The following CENPE variants were observed in gnomAD, a reference collection of about 807,000 sequenced individuals.
CENPE encodes the protein centromere-associated protein E.
A neutral mutation model predicts 336.1 loss-of-function variants in CENPE; 145 were observed. The ratio of observed to expected loss-of-function variants is 0.43; its 90% CI spans 0.38 to 0.50. The LOEUF (loss-of-function observed/expected upper bound fraction) is 0.50. Ranked by LOEUF, CENPE falls within the 20% of genes least tolerant of loss-of-function variation. The probability of loss-of-function intolerance (pLI) is 0.00; values close to 1 mark genes in which losing one functional copy is unlikely to be tolerated. For synonymous variants in CENPE, 1,013 were observed against 984.8 expected (o/e 1.03, Z -0.54); for missense variants, 2,719 against 3,023.3 (o/e 0.90, Z 2.36).
At position 103,139,854 on chromosome 4, in the gene CENPE, T is replaced by C; in HGVS notation, c.6139A>G (p.Ile2047Val). ...CTTTCCATTTTGAGAGATTCTTTTA[T>C]CCTCCTTAGCTCATCTCTTTCTTTA... The part of the protein sequence containing the change: ...VAKERDELRR[I>V]KESLKMERDQ... The change falls in exon 38 of 49, where the codon ATA (isoleucine) becomes GTA (valine). Residue 2047 changes from isoleucine (I) to valine (V), a missense_variant. This residue lies in a region of CENPE where 2,437 missense variants were observed against 2,513.3 expected (regional missense o/e 0.97). Coordinates refer to ENST00000265148, the MANE Select transcript of CENPE (RefSeq NM_001813.3). The C allele has an allele frequency of 6.2e-7, 1 of 1,612,958 alleles. No individual in the cohort carries two copies. Among genetic ancestry groups the C allele is most frequent in the Non-Finnish European group, 8.5e-7 (1 of 1,179,490 alleles).
rs3217729 is a variant in CENPE at position 103,196,255 on chromosome 4, A to AAAC, written c.149-6_149-4dup. 0.013 allele frequency: 20,900 copies of AAAC among 1,578,554 alleles called. 1,744 individuals carry two copies. In the African/African-American group the frequency reaches 0.22, roughly 16 times the overall value. Reference sequence around the variant, plus strand: ...TTCATTACCATGAAAGACACGATCTAAACAACAACAACAACAACAACAACA... The same window carrying AAAC: ...TTCATTACCATGAAAGACACGATCTAAACAACAACAACAACAACAACAACAACA... On this transcript the variant is annotated splice_region_variant and splice_polypyrimidine_tract_variant and intron_variant, in intron 2 of 48. Transcript: ENST00000265148.
intron 21 of CENPE, among the ~76,000 whole-genome samples, chr4:103,160,003 C>T (rs567257984): frequency 1.3e-4 from 20 of 151,766 alleles, no homozygotes; most frequent in Non-Finnish European, 3.0e-4. Context: ...ATTTATGTGG[C>T]TCAATTATGA....
At position 103,158,341 on chromosome 4, in the gene CENPE, C is replaced by T. The variant is rs2125966417; in HGVS notation, c.2992G>A (p.Glu998Lys). ...SEEVSRNLHM[E>K]ENTGETKDEF... ...TCTTTAGTTTCTCCTGTATTTTCCT[C>T]CATATGCAAATTCCTGGAAACTTCC... Residue 998 changes from glutamate (E) to lysine (K), a missense_variant, in exon 24 of 49, where the codon GAG becomes AAG. This residue lies in a region of CENPE where 2,437 missense variants were observed against 2,513.3 expected (regional missense o/e 0.97). Transcript: ENST00000265148. The T allele has an allele frequency of 1.2e-6, 2 of 1,609,138 alleles. No homozygotes were observed. Among genetic ancestry groups the T allele is most frequent in the African/African-American group, 2.7e-5 (2 of 74,834 alleles).
At chr4:103,168,782 G>A (rs988601852) in intron 16 of CENPE, among the ~76,000 whole-genome samples, 5 of 152,148 alleles carry the variant, frequency 3.3e-5, no homozygotes, top group African/African-American at 1.2e-4. Flanking sequence ...AAAGAGAAAG[G>A]TGTCCAGTAG....
At chr4:103,127,603 G>T (rs1453386371) in intron 42 of CENPE, among the ~76,000 whole-genome samples, 1 of 152,118 alleles carries the variant, frequency 6.6e-6, no homozygotes, top group East Asian at 1.9e-4. Context: ...ATGAATAAGT[G>T]AAATGAATAA....
At chr4:103,191,302 T>C (rs1757303289) in intron 8 of CENPE, among the ~76,000 whole-genome samples, 1 of 152,214 alleles carries the variant, frequency 6.6e-6, no homozygotes, top group Non-Finnish European at 1.5e-5. Flanking sequence ...ACTGGGTATA[T>C]ACCCAAAGGA....
At chr4:103,150,951 A>G (rs1753492620) in intron 26 of CENPE, among the ~76,000 whole-genome samples, 1 of 152,254 alleles carries the variant, frequency 6.6e-6, no homozygotes, top group East Asian at 1.9e-4. Context: ...ACAGTGCTCA[A>G]TAAATATTTG....
At chr4:103,131,183 C>T (rs1162845762) in intron 42 of CENPE, among the ~76,000 whole-genome samples, 3 of 151,966 alleles carry the variant, frequency 2.0e-5, no homozygotes, top group Admixed American at 6.6e-5. Flanking sequence ...AATATATTTC[C>T]AAGACACATC....
chr4:103,153,070 C>T lies in CENPE; in HGVS notation c.3214G>A (p.Asp1072Asn). 6.2e-7 allele frequency: 1 copy of T among 1,611,820 alleles called. No homozygotes were observed. Among genetic ancestry groups the T allele is most frequent in the South Asian group, 1.1e-5 (1 of 90,656 alleles). Residue 1072 changes from aspartate (D) to asparagine (N), a missense_variant, in exon 25 of 49, where the codon GAC becomes AAC. Physicochemically the swap from Asp to Asn is conservative, Grantham distance 23. Coordinates refer to ENST00000265148, the MANE Select transcript of CENPE (RefSeq NM_001813.3). ...VIAEKEQLKT[D>N]LKENIEMTIE... The stretch of plus-strand genomic sequence containing the variant: ...ACCATTTCAATATTTTCCTTTAGGT[C>T]AGTCTTCAATTGTTCCTTTTCTGCT...
intron 43 of CENPE, among the ~76,000 whole-genome samples, chr4:103,121,573 G>T (rs1750624157): frequency 7.0e-6 from 1 of 142,168 alleles, no homozygotes. Context: ...TTTTGAGGCA[G>T]TGCCTCACTC....
chr4:103,157,768 A>G (rs529323759), intron 24 of CENPE, among the ~76,000 whole-genome samples: 2 of 152,100 alleles, frequency 1.3e-5, no homozygotes, highest in South Asian at 4.1e-4. Context: ...ATATACTACT[A>G]TATACTATTC....
intron 42 of CENPE, among the ~76,000 whole-genome samples, chr4:103,125,648 A>G (rs1250378022): frequency 6.6e-6 from 1 of 152,086 alleles, no homozygotes; most frequent in African/African-American, 2.4e-5. Context: ...GCAGATCATG[A>G]GGTCAAGAGA....
At chr4:103,145,717 A>G (rs1438748689) in intron 30 of CENPE, 36 bp from the exon 31 acceptor site, 1 of 1,529,220 alleles carries the variant, frequency 6.5e-7, no homozygotes, top group Non-Finnish European at 8.8e-7. Flanking sequence ...AAATTTATAG[A>G]AACATTATAA....
At chr4:103,192,804 T>A (rs1184933477) in intron 8 of CENPE, among the ~76,000 whole-genome samples, 1 of 151,482 alleles carries the variant, frequency 6.6e-6, no homozygotes, top group East Asian at 1.9e-4. Flanking sequence ...AGACATGAAT[T>A]AGAATTCAGA....
intron 44 of CENPE, among the ~76,000 whole-genome samples, chr4:103,118,937 T>G (rs1750373316): frequency 6.6e-6 from 1 of 152,176 alleles, no homozygotes; most frequent in Admixed American, 6.5e-5. Flanking sequence ...TGCACAAACT[T>G]TCTTGTTGTT....
chr4:103,192,372 C>G (rs1757431260), intron 8 of CENPE, among the ~76,000 whole-genome samples: 1 of 152,074 alleles, frequency 6.6e-6, no homozygotes, highest in Non-Finnish European at 1.5e-5. Flanking sequence ...TCATGTAGAG[C>G]AGAAGGAAAT....
rs530308226 is a variant in CENPE, at chr4:103,125,142, T to G, written c.6925-2053A>C. On this transcript the variant is annotated intron_variant, in intron 42 of 48. Coordinates refer to ENST00000265148, the MANE Select transcript of CENPE (RefSeq NM_001813.3). The stretch of plus-strand genomic sequence containing the variant: ...ACTAATCAATAAACAGGATGAACTT[T>G]CCAAGCGAAAACTTTTTAAAAAAGG... 5.6e-4 allele frequency among the ~76,000 whole-genome samples: 86 copies of G among 152,342 alleles called. 2 individuals are homozygous for G. The highest frequency in any genetic ancestry group is 9.1e-4 in the Admixed American group (14 of 15,312).
At chr4:103,176,083 C>T in intron 14 of CENPE, 35 bp from the exon 15 acceptor site, 3 of 1,283,616 alleles carry the variant, frequency 2.3e-6, no homozygotes, top group South Asian at 2.8e-5. Context: ...TGTCCATGAA[C>T]ATGTTTACCA....
At chr4:103,175,080 A>C (rs1319648748) in intron 15 of CENPE, among the ~76,000 whole-genome samples, 177 bp from the exon 16 acceptor site, 1 of 152,036 alleles carries the variant, frequency 6.6e-6, no homozygotes, top group Non-Finnish European at 1.5e-5. Flanking sequence ...GGAGAATTTT[A>C]AAAATATATC....
Sources: allele counts gnomAD v4.1 joint callset (sites outside exome capture counted in the v4.1 genomes callset), GRCh38; gene constraint gnomAD v4.1.1; regional missense constraint gnomAD v4.1.1; transcripts MANE v1.5; gene names NCBI Gene and HGNC (gene_info 2026-07-23, HGNC 2026-07-21).